Variants in NREP observed in about 807,000 individuals in gnomAD.
NREP encodes neuronal regeneration related protein, also known as neuronal regeneration-related protein.
A neutral mutation model predicts 8.6 loss-of-function variants in NREP; 5 were observed. The ratio of observed to expected loss-of-function variants is 0.58; its 90% CI spans 0.30 to 1.22. The LOEUF (loss-of-function observed/expected upper bound fraction) is 1.22. Among genes scored for constraint, NREP ranks in the 50% most tolerant of loss-of-function variants. The pLI, the probability that NREP is intolerant of heterozygous loss-of-function variation, is 0.07. For missense variants in NREP, 86 were observed against 82.5 expected, an observed-to-expected ratio of 1.04 and a Z score of -0.17; for synonymous variants, 27 against 28.0, an observed-to-expected ratio of 0.96 and a Z score of 0.11.
intron 2 of NREP, among the ~76,000 whole-genome samples, chr5:111,735,862 T>TC (rs1749063306): frequency 6.6e-6 from 1 of 152,272 alleles, no homozygotes; most frequent in Admixed American, 6.5e-5. Context: ...CTTGCAAAAC[T>TC]CCATCAAACA....
intron 2 of NREP, among the ~76,000 whole-genome samples, chr5:111,790,942 G>T (rs1751731424): frequency 6.6e-6 from 1 of 152,100 alleles, no homozygotes; most frequent in Non-Finnish European, 1.5e-5. Flanking sequence ...ATATATGTGG[G>T]TTCAGCAGGG....
intron 2 of NREP, among the ~76,000 whole-genome samples, chr5:111,855,364 G>A (rs1188012965): frequency 6.6e-6 from 1 of 152,148 alleles, no homozygotes; most frequent in Non-Finnish European, 1.5e-5. Flanking sequence ...TAGCACAGTT[G>A]TCGGCACAGG....
intron 2 of NREP, among the ~76,000 whole-genome samples, chr5:111,896,230 C>G (rs1754508668): frequency 1.3e-5 from 2 of 151,996 alleles, no homozygotes. Flanking sequence ...AAAGATGAAT[C>G]AAAGTGATAA....
intron 2 of NREP, among the ~76,000 whole-genome samples, chr5:111,849,895 G>C (rs1753267882): frequency 6.6e-6 from 1 of 152,032 alleles, no homozygotes; most frequent in Admixed American, 6.6e-5. Flanking sequence ...AGAAGTGAAG[G>C]AATTACCTTA....
intron 2 of NREP, among the ~76,000 whole-genome samples, chr5:111,860,559 G>C (rs1753522551): frequency 6.6e-6 from 1 of 151,386 alleles, no homozygotes; most frequent in Non-Finnish European, 1.5e-5. Context: ...CCAGAGTCCA[G>C]TCTCTCTCTC....
exon 1 of NREP, chr5:111,976,823 G>T: frequency 9.2e-7 from 1 of 1,092,414 alleles, no homozygotes; most frequent in Non-Finnish European, 1.4e-6. Context: ...AGACAGCTCA[G>T]GACACAGCTC....
In NREP at chr5:111,858,546, G is replaced by C. The variant is rs1457639899; in HGVS notation, c.135+116728C>G. On this transcript the variant is annotated intron_variant, in intron 2 of 3. Transcript: ENST00000395634. ...TTAGCCTGTAATCCCAGCACTTGGG[G>C]AGTCTGAACAGGAGCATCGCTTCAG... Among the ~76,000 whole-genome samples the C allele has an allele frequency of 2.6e-5, 4 of 152,060 alleles. No homozygotes were observed. The East Asian group carries it at 7.7e-4, about 29-fold the overall frequency.
rs77776112 is a variant in NREP, at chr5:111,841,233, T to G, written c.136-105726A>C. 9.2e-5 allele frequency among the ~76,000 whole-genome samples: 14 copies of G among 152,248 alleles called. No homozygotes were observed. In the East Asian group the frequency reaches 2.7e-3, roughly 29 times the overall value. ...AAAACATGCCTCAGAATTGTGCCCC[T>G]GAAAGCTAGAACATGGGAATATTTA... On this transcript the variant is annotated intron_variant, in intron 2 of 3. Coordinates refer to the NREP transcript ENST00000395634.
At chr5:111,888,131 T>C (rs938815203) in intron 2 of NREP, among the ~76,000 whole-genome samples, 1 of 152,216 alleles carries the variant, frequency 6.6e-6, no homozygotes, top group Non-Finnish European at 1.5e-5. Flanking sequence ...GGTCTAGAAA[T>C]GCTGTCATGC....
At chr5:111,935,000 A>G (rs1032937588) in intron 2 of NREP, among the ~76,000 whole-genome samples, 1 of 152,068 alleles carries the variant, frequency 6.6e-6, no homozygotes, top group Admixed American at 6.6e-5. Context: ...GCAAGTGGGT[A>G]GAAGGGGTGT....
intron 2 of NREP, among the ~76,000 whole-genome samples, chr5:111,862,394 C>A (rs746903568): frequency 6.6e-6 from 1 of 152,128 alleles, no homozygotes; most frequent in Admixed American, 6.6e-5. Context: ...GAAAAGGAAG[C>A]TGTAACTCTT....
intron 2 of NREP, among the ~76,000 whole-genome samples, chr5:111,744,640 T>G (rs779221052): frequency 4.6e-5 from 7 of 152,042 alleles, no homozygotes; most frequent in Non-Finnish European, 1.0e-4. Context: ...AGAGGGCTTC[T>G]CTCTGATGAG....
intron 2 of NREP, among the ~76,000 whole-genome samples, chr5:111,963,067 T>C (rs746355522): frequency 1.3e-5 from 2 of 152,256 alleles, no homozygotes; most frequent in Non-Finnish European, 2.9e-5. Flanking sequence ...GCAGCCGCCC[T>C]GCGCAACGAG....
At chr5:111,828,758 T>G (rs1009534758) in intron 2 of NREP, among the ~76,000 whole-genome samples, 2 of 152,198 alleles carry the variant, frequency 1.3e-5, no homozygotes, top group East Asian at 3.8e-4. Context: ...CTCAAACAAT[T>G]TGTTGTATCA....
intron 2 of NREP, among the ~76,000 whole-genome samples, chr5:111,893,883 C>G (rs1182457534): frequency 6.6e-6 from 1 of 151,770 alleles, no homozygotes; most frequent in Non-Finnish European, 1.5e-5. Flanking sequence ...TGATGTTAAA[C>G]TATGAATTGC....
At chr5:111,806,366 T>G (rs887085151) in intron 2 of NREP, among the ~76,000 whole-genome samples, 6 of 152,110 alleles carry the variant, frequency 3.9e-5, no homozygotes, top group African/African-American at 1.4e-4. Flanking sequence ...AAACTGGAGA[T>G]TCATGTGGTT....
At chr5:111,795,445 C>T (rs1292336743) in intron 2 of NREP, among the ~76,000 whole-genome samples, 1 of 152,224 alleles carries the variant, frequency 6.6e-6, no homozygotes, top group Non-Finnish European at 1.5e-5. Context: ...TTCTGAACCA[C>T]TTCCCTTAAC....
rs531725781 is a variant in NREP at position 111,915,718 on chromosome 5, A to G, written c.135+59556T>C. Among the ~76,000 whole-genome samples, 5 of 152,206 alleles carry G rather than the reference A, an allele frequency of 3.3e-5. No homozygotes were observed. In the South Asian group the frequency reaches 6.2e-4, roughly 19 times the overall value. ...TAAAACATATAAACATAAAACAAAT[A>G]TTTGTGAAATAATACTTGCTCTCCC... is the stretch of plus-strand genomic sequence containing the variant. On this transcript the variant is annotated intron_variant, in intron 2 of 3. Coordinates refer to the NREP transcript ENST00000395634.
In NREP at chr5:111,906,305, G is replaced by C. The variant is rs17133870; in HGVS notation, c.135+68969C>G. On this transcript the variant is annotated intron_variant, in intron 2 of 3. Coordinates refer to the NREP transcript ENST00000395634. ...GTGGTAAAAGATCAATATTTTTATA[G>C]ATTCACAAAGAAAAAAGATAAATTT... Among the ~76,000 whole-genome samples, 1,010 of 146,920 alleles carry C rather than the reference G, an allele frequency of 6.9e-3. 37 individuals carry two copies. The highest frequency in any genetic ancestry group is 0.046 in the East Asian group (237 of 5,134).
Sources: gnomAD v4.1 joint callset for allele counts (sites outside exome capture counted in the v4.1 genomes callset) on GRCh38, gnomAD v4.1.1 for gene constraint, MANE v1.5 for transcripts, NCBI Gene and HGNC (gene_info 2026-07-23, HGNC 2026-07-21) for gene names.